NFIB: variants seen among roughly 807,000 people sequenced by gnomAD.
NFIB encodes nuclear factor 1 B-type.
A neutral mutation model predicts 61.5 loss-of-function variants in NFIB; 11 were observed. The ratio of observed to expected loss-of-function variants is 0.18; its 90% confidence interval spans 0.11 to 0.30. The LOEUF (loss-of-function observed/expected upper bound fraction) is 0.30. NFIB is among the 10% of genes least tolerant of loss of function. The pLI, the probability that NFIB is intolerant of heterozygous loss-of-function variation, is 1.00. For missense variants in NFIB, 471 were observed against 608.9 expected, an observed-to-expected ratio of 0.77 and a Z score of 2.38; for synonymous variants, 260 against 216.5, an observed-to-expected ratio of 1.20 and a Z score of -1.76.
chr9:14,458,949 A>C, the NFIB span, among the ~76,000 whole-genome samples: 1 of 152,266 alleles, frequency 6.6e-6, no homozygotes, highest in Non-Finnish European at 1.5e-5. Flanking sequence ...TGCCCAAGGT[A>C]ATTTATAGAT....
At chr9:14,245,665 G>A (rs2054838091) in intron 2 of NFIB, among the ~76,000 whole-genome samples, 1 of 152,096 alleles carries the variant, frequency 6.6e-6, no homozygotes, top group Non-Finnish European at 1.5e-5. Context: ...TTGAGATCAG[G>A]AGTTCAAGAC....
intron 1 of NFIB, among the ~76,000 whole-genome samples, chr9:14,375,000 T>C (rs2061400899): frequency 6.6e-6 from 1 of 152,212 alleles, no homozygotes; most frequent in South Asian, 2.1e-4. Context: ...GGAATGATGA[T>C]GAATGAATGT....
intron 2 of NFIB, among the ~76,000 whole-genome samples, chr9:14,250,924 G>GT (rs1219114020): frequency 1.3e-5 from 2 of 152,208 alleles, no homozygotes; most frequent in African/African-American, 4.8e-5. Flanking sequence ...GTTAATAAAA[G>GT]TTTTTTTGAA....
At chr9:14,161,454 C>T (rs950563851) in intron 3 of NFIB, among the ~76,000 whole-genome samples, 2 of 151,636 alleles carry the variant, frequency 1.3e-5, no homozygotes, top group African/African-American at 4.8e-5. Context: ...GCCCTGATAG[C>T]ATTATATTTT....
chr9:14,530,241 T>A, the NFIB span, among the ~76,000 whole-genome samples: 4 of 152,200 alleles, frequency 2.6e-5, no homozygotes, highest in Admixed American at 2.6e-4. Context: ...TACACAAACA[T>A]TTCACAGCAT....
the NFIB span, among the ~76,000 whole-genome samples, chr9:14,495,094 T>C: frequency 2.0e-5 from 3 of 152,224 alleles, no homozygotes; most frequent in Non-Finnish European, 2.9e-5. Context: ...TCTTTGGAGA[T>C]ATAGGCAAAA....
At chr9:14,233,084 G>C (rs2053376614) in intron 2 of NFIB, among the ~76,000 whole-genome samples, 1 of 152,188 alleles carries the variant, frequency 6.6e-6, no homozygotes, top group Non-Finnish European at 1.5e-5. Context: ...CCAAGGCAAA[G>C]AACAGAAAGT....
intron 10 of NFIB, among the ~76,000 whole-genome samples, chr9:14,098,629 A>C (rs2035251850): frequency 6.6e-6 from 1 of 152,206 alleles, no homozygotes; most frequent in Non-Finnish European, 1.5e-5. Flanking sequence ...AACAGTACCT[A>C]CCTTAAGCAG....
chr9:14,082,785 G>T lies in NFIB; in HGVS notation c.*5524C>A, dbSNP rs373801240. ...CCATACTTCTTAAAAAAAAAAAAAAGAAAAAAAAAGACTTCCTTCTGCATA... is the reference window on the plus strand; with the variant it reads ...CCATACTTCTTAAAAAAAAAAAAAATAAAAAAAAAGACTTCCTTCTGCATA... On this transcript the variant is annotated 3_prime_UTR_variant, in exon 11 of 11. Transcript: ENST00000380953. The T allele has an allele frequency of 1.8e-5, 3 of 165,636 alleles. No individual in the cohort carries two copies. The highest frequency in any genetic ancestry group is 9.4e-5 in the East Asian group (1 of 10,624). The allele number at this position is 165,636 out of a possible 1,614,324, so 10.3% of individuals were successfully genotyped here.
intron 2 of NFIB, among the ~76,000 whole-genome samples, chr9:14,211,449 A>T (rs1202708074): frequency 6.6e-6 from 1 of 152,262 alleles, no homozygotes; most frequent in East Asian, 1.9e-4. Context: ...AGTTAAAAAA[A>T]TAATTCTACT....
chr9:14,463,801 C>T, the NFIB span, among the ~76,000 whole-genome samples: 1 of 151,862 alleles, frequency 6.6e-6, no homozygotes, highest in South Asian at 2.1e-4. Flanking sequence ...GCTGGGACTA[C>T]AGGCGCCCGC....
chr9:14,115,713 C>T (rs992679222), intron 9 of NFIB, among the ~76,000 whole-genome samples: 16 of 152,124 alleles, frequency 1.1e-4, no homozygotes, highest in Admixed American at 2.6e-4. Context: ...CAACCTTATG[C>T]GACTGTTTTT....
At chr9:14,391,190 A>T (rs1308129107) in intron 1 of NFIB, among the ~76,000 whole-genome samples, 1 of 152,126 alleles carries the variant, frequency 6.6e-6, no homozygotes, top group East Asian at 1.9e-4. Flanking sequence ...GACAAATACT[A>T]CCTTGTCATT....
Position 14,125,707 on chromosome 9 carries a change from G to A in NFIB, c.985C>T (p.Pro329Ser), listed in dbSNP as rs1586861084. ...CTCAGTCTTGGGGAAGAATCCTGTG[G>A]AGATGCAGAGCTGAACAATGGCTTT... ...PEKPLFSSASPQDSSPRLSTF... is the reference protein window; with the variant it reads ...PEKPLFSSASSQDSSPRLSTF... Residue 329 changes from proline to serine, a missense_variant, in exon 7 of 11, where the codon CCA becomes TCA. Physicochemically the swap from Pro to Ser is moderately conservative, Grantham distance 74. Coordinates refer to ENST00000380953, the MANE Select transcript of NFIB (RefSeq NM_001190737.2). 1 of 1,614,150 alleles carries A rather than the reference G, an allele frequency of 6.2e-7. No individual in the cohort carries two copies. The highest frequency in any genetic ancestry group is 8.5e-7 in the Non-Finnish European group (1 of 1,180,022).
chr9:14,151,332 C>G (rs1348012845), intron 4 of NFIB, among the ~76,000 whole-genome samples: 2 of 152,086 alleles, frequency 1.3e-5, no homozygotes, highest in Non-Finnish European at 2.9e-5. Flanking sequence ...TATAAATGAA[C>G]CTGTTCGCTG....
intron 1 of NFIB, among the ~76,000 whole-genome samples, chr9:14,369,939 A>G (rs1222280300): frequency 6.6e-6 from 1 of 152,204 alleles, no homozygotes; most frequent in East Asian, 1.9e-4. Flanking sequence ...TTTGGGGGCT[A>G]TCTCTTTACC....
chr9:14,282,339 A>G (rs1235527768), intron 2 of NFIB, among the ~76,000 whole-genome samples: 2 of 152,178 alleles, frequency 1.3e-5, no homozygotes, highest in Non-Finnish European at 2.9e-5. Flanking sequence ...AATATCCCAT[A>G]AATATTATTA....
chr9:14,193,993 T>C (rs762027685), intron 2 of NFIB, among the ~76,000 whole-genome samples: 1 of 152,180 alleles, frequency 6.6e-6, no homozygotes, highest in African/African-American at 2.4e-5. Context: ...ATTTATTTTA[T>C]GTCTCTTTTT....
chr9:14,526,941 T>G, the NFIB span, among the ~76,000 whole-genome samples: 3 of 152,202 alleles, frequency 2.0e-5, no homozygotes, highest in African/African-American at 7.2e-5. Context: ...AATAACCATC[T>G]AATCACTGTT....
Sources: gnomAD v4.1 joint callset for allele counts (sites outside exome capture counted in the v4.1 genomes callset) on GRCh38, gnomAD v4.1.1 for gene constraint, MANE v1.5 for transcripts, NCBI Gene and HGNC (gene_info 2026-07-23, HGNC 2026-07-21) for gene names.